Variants in ELAPOR1 observed in about 807,000 individuals in gnomAD.
ELAPOR1 encodes endosome-lysosome associated apoptosis and autophagy regulator 1.
A neutral mutation model predicts 119.7 loss-of-function variants in ELAPOR1; 77 were observed. That is an observed-to-expected ratio of 0.64 (90% confidence interval 0.54 to 0.78). The LOEUF (loss-of-function observed/expected upper bound fraction) is 0.78, where lower values mean the gene tolerates loss of function less well. Ranked by LOEUF, ELAPOR1 falls within the 30% of genes least tolerant of loss-of-function variation. ELAPOR1 has a pLI of 0.00. For synonymous variants in ELAPOR1, 481 were observed against 487.2 expected, an observed-to-expected ratio of 0.99 and a Z score of 0.17; for missense variants, 1,115 against 1,270.4, an observed-to-expected ratio of 0.88 and a Z score of 1.86.
At chr1:109,133,417 AT>A (rs1444498280) in intron 1 of ELAPOR1, among the ~76,000 whole-genome samples, 1 of 152,180 alleles carries the variant, frequency 6.6e-6, no homozygotes, top group African/African-American at 2.4e-5. Flanking sequence ...TGGGAAAATC[AT>A]TTAGCAGGCA....
chr1:109,132,868 G>A (rs143908616), intron 1 of ELAPOR1, among the ~76,000 whole-genome samples: 3 of 152,180 alleles, frequency 2.0e-5, no homozygotes, highest in Non-Finnish European at 4.4e-5. Flanking sequence ...CAAGGACTTC[G>A]GTTTTTAGGA....
At chr1:109,181,358 G>A (rs891332149) in intron 7 of ELAPOR1, among the ~76,000 whole-genome samples, 1 of 152,126 alleles carries the variant, frequency 6.6e-6, no homozygotes, top group Non-Finnish European at 1.5e-5. Context: ...TCCTACTTAA[G>A]TCACTTTTCA....
At chr1:109,118,983 C>T (rs6659429) in intron 1 of ELAPOR1, among the ~76,000 whole-genome samples, 31,062 of 149,814 alleles carry the variant, frequency 0.21, 4,632 homozygotes, top group East Asian at 0.41. Flanking sequence ...CTGCAACCTC[C>T]GCCTTCTGGG....
At chr1:109,127,049 A>T (rs1335628451) in intron 1 of ELAPOR1, among the ~76,000 whole-genome samples, 2 of 152,016 alleles carry the variant, frequency 1.3e-5, no homozygotes, top group African/African-American at 4.8e-5. Flanking sequence ...GAGTGATAAA[A>T]ATTGGGCTGT....
At chr1:109,173,948 C>T (rs1652081783) in intron 7 of ELAPOR1, 111 bp downstream of exon 7, 2 of 1,139,702 alleles carry the variant, frequency 1.8e-6, no homozygotes, top group Non-Finnish European at 2.5e-6. Context: ...GATGGTAATT[C>T]TTAAACCCTT....
At chr1:109,188,428 C>G (rs919199936) in intron 9 of ELAPOR1, 74 bp downstream of exon 9, 1 of 1,474,634 alleles carries the variant, frequency 6.8e-7, no homozygotes, top group African/African-American at 1.4e-5. Flanking sequence ...TAACAGTGGC[C>G]AGCTGAATGC....
chr1:109,198,695 T>C, intron 18 of ELAPOR1, 21 bp downstream of exon 18: 1 of 1,593,620 alleles, frequency 6.3e-7, no homozygotes, highest in Non-Finnish European at 8.6e-7. Flanking sequence ...CAAAGGGATG[T>C]AACAAAGGCC....
intron 1 of ELAPOR1, among the ~76,000 whole-genome samples, chr1:109,139,744 T>A (rs1649709481): frequency 6.6e-6 from 1 of 151,752 alleles, no homozygotes; most frequent in Admixed American, 6.5e-5. Context: ...TTCTATCTGA[T>A]GTTATGTTTA....
chr1:109,117,511 G>A (rs1209111989), intron 1 of ELAPOR1, among the ~76,000 whole-genome samples: 1 of 152,172 alleles, frequency 6.6e-6, no homozygotes, highest in Non-Finnish European at 1.5e-5. Context: ...GACATGGATT[G>A]GAATAAAATT....
Position 109,203,033 on chromosome 1 carries a change from T to C in ELAPOR1, c.*21T>C, listed in dbSNP as rs1330821615. Reference sequence around the variant, plus strand: ...TGTGAGAGGCACTGCCTGCCTCACCTGCCTCCTCACCTTGCATAGCACCTT... The same window carrying C: ...TGTGAGAGGCACTGCCTGCCTCACCCGCCTCCTCACCTTGCATAGCACCTT... On this transcript the variant is annotated 3_prime_UTR_variant, in exon 22 of 22. Transcript: ENST00000369939. The C allele has an allele frequency of 1.3e-6, 2 of 1,551,706 alleles. No individual in the cohort carries two copies. Among genetic ancestry groups the C allele is most frequent in the Non-Finnish European group, 1.8e-6 (2 of 1,124,698 alleles).
At chr1:109,196,842 C>T (rs1276929844) in intron 15 of ELAPOR1, among the ~76,000 whole-genome samples, 1 of 152,138 alleles carries the variant, frequency 6.6e-6, no homozygotes, top group Non-Finnish European at 1.5e-5. Flanking sequence ...GCCAGCACGT[C>T]CAGCTAATTT....
intron 7 of ELAPOR1, among the ~76,000 whole-genome samples, chr1:109,180,876 G>T (rs1570697955): frequency 6.6e-6 from 1 of 151,992 alleles, no homozygotes; most frequent in East Asian, 1.9e-4. Flanking sequence ...GAGGTGGGAG[G>T]ATCACCTGAG....
intron 1 of ELAPOR1, among the ~76,000 whole-genome samples, chr1:109,124,021 T>G (rs1016264212): frequency 1.3e-5 from 2 of 152,046 alleles, no homozygotes; most frequent in Admixed American, 6.6e-5. Flanking sequence ...CAGGCTAGTC[T>G]CCAATTCCTG....
intron 3 of ELAPOR1, among the ~76,000 whole-genome samples, chr1:109,170,279 G>A (rs990838530): frequency 3.9e-5 from 6 of 152,210 alleles, no homozygotes; most frequent in South Asian, 2.1e-4. Context: ...TGGAGGGTAC[G>A]CAGAGGCTTC....
At chr1:109,135,498 C>T (rs991346541) in intron 1 of ELAPOR1, among the ~76,000 whole-genome samples, 14 of 152,224 alleles carry the variant, frequency 9.2e-5, no homozygotes, top group African/African-American at 2.9e-4. Flanking sequence ...CCACCCTGGC[C>T]TCCCAAAGTG....
intron 7 of ELAPOR1, among the ~76,000 whole-genome samples, chr1:109,176,069 T>G (rs7535995): frequency 0.46 from 70,355 of 151,898 alleles, 17,283 homozygotes; most frequent in African/African-American, 0.64. Flanking sequence ...GGTTTCCTTG[T>G]AACACAATTT....
At chr1:109,118,135 A>G (rs185680471) in intron 1 of ELAPOR1, among the ~76,000 whole-genome samples, 12 of 152,188 alleles carry the variant, frequency 7.9e-5, no homozygotes, top group African/African-American at 2.9e-4. Flanking sequence ...CTCAAAAAAA[A>G]AAAGAAAGAA....
chr1:109,178,435 A>G (rs2101076530), intron 7 of ELAPOR1, among the ~76,000 whole-genome samples: 1 of 152,320 alleles, frequency 6.6e-6, no homozygotes, highest in South Asian at 2.1e-4. Flanking sequence ...AGAGACTGGG[A>G]AATTGCAGGG....
At chr1:109,197,407 T>G (rs995195804) in intron 15 of ELAPOR1, 67 bp from the exon 16 acceptor site, 8 of 1,424,878 alleles carry the variant, frequency 5.6e-6, no homozygotes, top group Non-Finnish European at 7.8e-6. Flanking sequence ...CCTTCCCTAT[T>G]CCCTTCTGGG....
Sources: gnomAD v4.1 joint callset for allele counts (sites outside exome capture counted in the v4.1 genomes callset) on GRCh38, gnomAD v4.1.1 for gene constraint, MANE v1.5 for transcripts, NCBI Gene and HGNC (gene_info 2026-07-23, HGNC 2026-07-21) for gene names.